CAPN3: variants seen among roughly 807,000 people sequenced by gnomAD.
The protein encoded by CAPN3 is calpain-3.
CAPN3 carries 88 observed loss-of-function variants against 114.0 expected under a neutral mutation model. That is an observed-to-expected ratio of 0.77 (90% CI 0.65 to 0.92). The LOEUF (loss-of-function observed/expected upper bound fraction) is 0.92, where lower values mean the gene tolerates loss of function less well. CAPN3 is among the 40% of genes least tolerant of loss of function. The pLI is 0.00. For missense variants in CAPN3, 1,028 were observed against 1,069.0 expected (o/e 0.96, Z 0.53); for synonymous variants, 386 against 382.9 (o/e 1.01, Z -0.09).
At chr15:42,387,911 G>T in intron 4 of CAPN3, 25 bp downstream of exon 4, 2 of 1,614,130 alleles carry the variant, frequency 1.2e-6, no homozygotes, top group Non-Finnish European at 1.7e-6. Context: ...AGAATGTGAG[G>T]TGGGGCTAGA....
intron 4 of CAPN3, among the ~76,000 whole-genome samples, chr15:42,388,583 C>T (rs908246139): frequency 1.1e-4 from 16 of 152,134 alleles, no homozygotes; most frequent in Admixed American, 4.6e-4. Flanking sequence ...CTGGGATTGC[C>T]GGTGTGAGCC....
intron 1 of CAPN3, among the ~76,000 whole-genome samples, chr15:42,367,820 TTTTTTTCTCTCTTTTTTTTAAACAGAGA>T (rs1170304063): frequency 1.3e-5 from 2 of 152,176 alleles, no homozygotes; most frequent in East Asian, 3.8e-4. Context: ...ACCCTCCCTA[TTTTTTTCTCTCTTTTTTTTAAACAGAGA>T]TAGGAGTCTC....
At chr15:42,402,750 C>T in intron 12 of CAPN3, 44 bp from the exon 13 acceptor site, 2 of 1,600,502 alleles carry the variant, frequency 1.2e-6, no homozygotes, top group Non-Finnish European at 1.7e-6. Flanking sequence ...ACAGGATGTT[C>T]CTCCCGAGGG....
chr15:42,383,478 A>G (rs144340084), intron 1 of CAPN3, among the ~76,000 whole-genome samples: 1,578 of 151,918 alleles, frequency 0.01, 35 homozygotes, highest in African/African-American at 0.037. Context: ...AGTCCCAGCT[A>G]CTCGGGAGGC....
intron 10 of CAPN3, among the ~76,000 whole-genome samples, chr15:42,401,184 A>G (rs1156544690): frequency 2.6e-5 from 4 of 151,452 alleles, no homozygotes; most frequent in Non-Finnish European, 5.9e-5. Flanking sequence ...ACAGAGCCAG[A>G]CTCCGTCTCA....
Position 42,412,068 on chromosome 15 carries a change from C to T in CAPN3, c.*295C>T, listed in dbSNP as rs542101175. On this transcript the variant is annotated 3_prime_UTR_variant, in exon 24 of 24. Coordinates refer to ENST00000397163, the MANE Select transcript of CAPN3 (RefSeq NM_000070.3). ...CGCCTCGGTTCTGAAGCGAGTGCTCCTGCTTACCTTGCTCTAGGCTGTCTG... is the reference window on the plus strand; with the variant it reads ...CGCCTCGGTTCTGAAGCGAGTGCTCTTGCTTACCTTGCTCTAGGCTGTCTG... 3.3e-6 allele frequency: 5 copies of T among 1,531,614 alleles called. No individual in the cohort carries two copies. The African/African-American group carries it at 4.1e-5, about 13-fold the overall frequency. 94.9% of individuals were successfully genotyped at this position (1,531,614 alleles called of 1,614,324 possible).
Position 42,387,896 on chromosome 15 carries a change from A to C in CAPN3, c.632+10A>C. Reference sequence around the variant, plus strand: ...AGAAGGCTTATGCTAAGTAAGCAACACTTTAGAATGTGAGGTGGGGCTAGA... The same window carrying C: ...AGAAGGCTTATGCTAAGTAAGCAACCCTTTAGAATGTGAGGTGGGGCTAGA... On this transcript the variant is annotated intron_variant, in intron 4 of 23. Transcript: ENST00000397163. 1 of 1,614,142 alleles carries C rather than the reference A, an allele frequency of 6.2e-7. No homozygotes were observed. The highest frequency in any genetic ancestry group is 2.2e-5 in the East Asian group (1 of 44,880).
chr15:42,399,699 C>T, intron 10 of CAPN3, 47 bp downstream of exon 10: 2 of 1,514,250 alleles, frequency 1.3e-6, no homozygotes, highest in South Asian at 1.2e-5. Flanking sequence ...GAAAAAGTTC[C>T]AGGCAGAAGA....
chr15:42,384,948 C>T (rs184345218), intron 2 of CAPN3, among the ~76,000 whole-genome samples: 1 of 152,300 alleles, frequency 6.6e-6, no homozygotes, highest in East Asian at 1.9e-4. Flanking sequence ...AAGGCATCGC[C>T]AAGGAAAGCA....
At position 42,410,923 on chromosome 15, in the gene CAPN3, T is replaced by C; in HGVS notation, c.2303T>C (p.Met768Thr). 6.2e-7 allele frequency: 1 copy of C among 1,614,224 alleles called. No individual in the cohort carries two copies. Among genetic ancestry groups the C allele is most frequent in the Non-Finnish European group, 8.5e-7 (1 of 1,180,014 alleles). Reference protein sequence around the residue: ...LNNQLYDIITMRYADKHMNID... With the variant: ...LNNQLYDIITTRYADKHMNID... ...AACCAGCTCTATGACATCATTACCA[T>C]GCGGTACGCAGACAAACACATGAAC... The change falls in exon 22 of 24, where the codon ATG becomes ACG. Residue 768 changes from methionine to threonine, a missense_variant. Met to Thr is a moderately conservative substitution (Grantham distance 81, BLOSUM62 -1). Coordinates refer to ENST00000397163, the MANE Select transcript of CAPN3 (RefSeq NM_000070.3).
intron 1 of CAPN3, among the ~76,000 whole-genome samples, chr15:42,377,852 A>G (rs567496447): frequency 2.2e-4 from 34 of 152,276 alleles, no homozygotes; most frequent in African/African-American, 7.9e-4. Flanking sequence ...CTTGATAGGT[A>G]TAGTGCTATT....
At chr15:42,405,864 T>C in intron 14 of CAPN3, 62 bp from the exon 15 acceptor site, 1 of 1,387,902 alleles carries the variant, frequency 7.2e-7, no homozygotes, top group African/African-American at 1.4e-5. Flanking sequence ...CAAAAGCCAC[T>C]GGCGGTTCTG....
chr15:42,367,916 ACT>A (rs1362327575), intron 1 of CAPN3, among the ~76,000 whole-genome samples: 9 of 151,942 alleles, frequency 5.9e-5, no homozygotes, highest in African/African-American at 1.9e-4. Flanking sequence ...CCTGCCTCAG[ACT>A]CTGAGTAGCT....
intron 18 of CAPN3, 35 bp downstream of exon 18, chr15:42,409,879 T>TGGGGAGTCCC: frequency 4.5e-5 from 8 of 178,720 alleles, no homozygotes; most frequent in Non-Finnish European, 9.1e-5. Flanking sequence ...GTGGGGTGGG[T>TGGGGAGTCCC]GGGGAGTCCC....
Position 42,394,177 on chromosome 15 carries a change from C to CGTCCCAGCCCT in CAPN3, c.1030-78_1030-68dup, listed in dbSNP as rs376034486. Reference sequence around the variant, plus strand: ...GCGTAAGAGATTTGCCCCCCAGCCCCGTCCCAGCCCTCAGCAAGACAGAAG... The same window carrying CGTCCCAGCCCT: ...GCGTAAGAGATTTGCCCCCCAGCCCCGTCCCAGCCCTGTCCCAGCCCTCAGCAAGACAGAAG... On this transcript the variant is annotated intron_variant, in intron 7 of 23. Coordinates refer to ENST00000397163, the MANE Select transcript of CAPN3 (RefSeq NM_000070.3). 1,000 of 1,336,088 alleles carry CGTCCCAGCCCT rather than the reference C, an allele frequency of 7.5e-4. 8 individuals are homozygous for CGTCCCAGCCCT. The African/African-American group carries it at 0.013, about 17-fold the overall frequency. 82.8% of individuals were successfully genotyped at this position (1,336,088 alleles called of 1,614,324 possible).
chr15:42,386,220 C>G lies in CAPN3; in HGVS notation c.433C>G (p.Leu145Val), dbSNP rs886044404. The G allele has an allele frequency of 1.2e-6, 2 of 1,614,182 alleles. No individual in the cohort carries two copies. The highest frequency in any genetic ancestry group is 3.3e-5 in the Admixed American group (2 of 60,030). ...CTGCCTGACCCTGAACCAGCACCTTCTTTTCCGAGTCATACCCCATGATCA... is the reference window on the plus strand; with the variant it reads ...CTGCCTGACCCTGAACCAGCACCTTGTTTTCCGAGTCATACCCCATGATCA... ...IACLTLNQHL[L>V]FRVIPHDQSF... Residue 145 changes from leucine to valine, a missense_variant, in exon 3 of 24, where the codon CTT becomes GTT. Physicochemically the swap from Leu to Val is conservative, Grantham distance 32. Coordinates refer to ENST00000397163, the MANE Select transcript of CAPN3 (RefSeq NM_000070.3).
chr15:42,400,336 G>T (rs1054693053), intron 10 of CAPN3, among the ~76,000 whole-genome samples: 1 of 152,206 alleles, frequency 6.6e-6, no homozygotes, highest in Non-Finnish European at 1.5e-5. Flanking sequence ...CAGAGATGGA[G>T]GGGAGACAGC....
At chr15:42,399,844 A>G (rs2053816463) in intron 10 of CAPN3, among the ~76,000 whole-genome samples, 192 bp downstream of exon 10, 1 of 152,210 alleles carries the variant, frequency 6.6e-6, no homozygotes, top group Non-Finnish European at 1.5e-5. Context: ...TTGAAGCAGG[A>G]AACTGTGGGA....
At chr15:42,402,604 G>A (rs2053903953) in intron 12 of CAPN3, 190 bp from the exon 13 acceptor site, 5 of 1,512,576 alleles carry the variant, frequency 3.3e-6, no homozygotes, top group Non-Finnish European at 4.4e-6. Context: ...CATTCACTCT[G>A]AATCACAACA....
Sources: allele counts gnomAD v4.1 joint callset (sites outside exome capture counted in the v4.1 genomes callset), GRCh38; gene constraint gnomAD v4.1.1; transcripts MANE v1.5; gene names NCBI Gene and HGNC (gene_info 2026-07-23, HGNC 2026-07-21).